RTTN: variants seen among roughly 807,000 people sequenced by gnomAD.
The protein encoded by RTTN is rotatin.
RTTN carries 182 observed loss-of-function variants against 269.2 expected under a neutral mutation model. The observed-to-expected ratio is 0.68, with a 90% CI of 0.60 to 0.76. The LOEUF is 0.76. Ranked by LOEUF, RTTN falls within the 30% of genes least tolerant of loss-of-function variation. The probability of loss-of-function intolerance (pLI) is 0.00; values close to 1 mark genes in which losing one functional copy is unlikely to be tolerated. For missense variants in RTTN, 2,545 were observed against 2,608.6 expected (o/e 0.98, Z 0.53); for synonymous variants, 1,006 against 963.5 (o/e 1.04, Z -0.82).
intron 21 of RTTN, among the ~76,000 whole-genome samples, chr18:70,136,500 A>G (rs1467852824): frequency 6.6e-6 from 1 of 152,010 alleles, no homozygotes; most frequent in Non-Finnish European, 1.5e-5. Context: ...TGCCTATCTT[A>G]TAATAAAAAA....
In RTTN at chr18:70,014,049, G is replaced by A. The variant is rs141142561; in HGVS notation, c.6421+3358C>T. 7.0e-3 allele frequency among the ~76,000 whole-genome samples: 1,058 copies of A among 152,056 alleles called. 9 individuals are homozygous for A. Among genetic ancestry groups the A allele is most frequent in the African/African-American group, 0.024 (994 of 41,464 alleles). On this transcript the variant is annotated intron_variant, in intron 46 of 48. Transcript: ENST00000640769. ...ACATGTATATTAAGTTTTCAATTTTGGCCACTGAAGTTCTAGATTACTGTT... is the reference window on the plus strand; with the variant it reads ...ACATGTATATTAAGTTTTCAATTTTAGCCACTGAAGTTCTAGATTACTGTT...
chr18:70,012,104 A>G (rs1289551890), intron 46 of RTTN, among the ~76,000 whole-genome samples: 9 of 114,528 alleles, frequency 7.9e-5, no homozygotes, highest in South Asian at 3.8e-4. Context: ...GCTCACTGGT[A>G]TTGGTTACAG....
chr18:70,197,112 T>C (rs963666281), intron 6 of RTTN, among the ~76,000 whole-genome samples: 4 of 152,212 alleles, frequency 2.6e-5, no homozygotes, highest in African/African-American at 9.6e-5. Flanking sequence ...ATTTCAGCCC[T>C]GGGAGTGTGG....
chr18:70,095,269 T>C (rs1363487926), intron 28 of RTTN, among the ~76,000 whole-genome samples: 2 of 152,216 alleles, frequency 1.3e-5, no homozygotes, highest in Non-Finnish European at 2.9e-5. Context: ...CCAGTCTGTG[T>C]CTTTTAATTG....
intron 25 of RTTN, 50 bp downstream of exon 25, chr18:70,127,452 T>C (rs1368366774): frequency 1.3e-6 from 2 of 1,593,942 alleles, no homozygotes; most frequent in African/African-American, 2.7e-5. Context: ...ATGAACACAA[T>C]ACAATGCAAT....
At chr18:70,095,823 G>A (rs1399813883) in intron 28 of RTTN, among the ~76,000 whole-genome samples, 1 of 152,084 alleles carries the variant, frequency 6.6e-6, no homozygotes, top group South Asian at 2.1e-4. Flanking sequence ...TGTATTTCCT[G>A]AATTGGAATG....
chr18:70,060,361 AT>A (rs1219700290), intron 35 of RTTN, among the ~76,000 whole-genome samples: 1 of 152,172 alleles, frequency 6.6e-6, no homozygotes, highest in Non-Finnish European at 1.5e-5. Flanking sequence ...CAAAAAGATG[AT>A]TTACAATCCT....
intron 45 of RTTN, among the ~76,000 whole-genome samples, chr18:70,018,652 C>T (rs762338328): frequency 6.6e-6 from 1 of 152,126 alleles, no homozygotes; most frequent in African/African-American, 2.4e-5. Context: ...ACATTACCCA[C>T]ACAATAAGTA....
At chr18:70,078,244 A>G (rs1158977136) in intron 32 of RTTN, among the ~76,000 whole-genome samples, 1 of 152,032 alleles carries the variant, frequency 6.6e-6, no homozygotes, top group Admixed American at 6.6e-5. Context: ...GCTAGAATAC[A>G]GTGAAGCAAA....
In RTTN at chr18:70,096,717, A is replaced by G. The variant is rs137990569; in HGVS notation, c.3904-3913T>C. ...CCAGATGCCAGCAGAGCTCTCCTATATGAGGTGTCTGTCAACCCCTGCTGG... is the reference window on the plus strand; with the variant it reads ...CCAGATGCCAGCAGAGCTCTCCTATGTGAGGTGTCTGTCAACCCCTGCTGG... On this transcript the variant is annotated intron_variant, in intron 28 of 48. Coordinates refer to ENST00000640769, the MANE Select transcript of RTTN (RefSeq NM_173630.4). Among the ~76,000 whole-genome samples the G allele has an allele frequency of 5.3e-3, 808 of 152,194 alleles. 16 individuals carry two copies. The East Asian group carries it at 0.069, about 13-fold the overall frequency.
intron 47 of RTTN, chr18:70,005,499 T>G (rs1251495928): frequency 2.4e-5 from 9 of 377,544 alleles, no homozygotes. Context: ...ATTCCCATTT[T>G]CTTTCTTCCC....
At chr18:70,065,346 A>G (rs1416709033) in intron 35 of RTTN, among the ~76,000 whole-genome samples, 1 of 151,854 alleles carries the variant, frequency 6.6e-6, no homozygotes, top group Non-Finnish European at 1.5e-5. Context: ...ACAAGGAGCA[A>G]AATTTATATA....
At chr18:70,004,790 G>C (rs140796789) in intron 48 of RTTN, among the ~76,000 whole-genome samples, 92 of 152,272 alleles carry the variant, frequency 6.0e-4, no homozygotes, top group Middle Eastern at 6.8e-3. Flanking sequence ...CTCTAGTATT[G>C]TGACCACATC....
intron 40 of RTTN, chr18:70,031,254 T>C (rs2057004205): frequency 5.9e-6 from 3 of 505,400 alleles, no homozygotes; most frequent in Non-Finnish European, 1.0e-5. Flanking sequence ...AGCAAGCTCA[T>C]ATACTTACTC....
Position 70,128,169 on chromosome 18 carries a change from ATATGATAGATT to A in RTTN, c.3143+178_3143+188del, listed in dbSNP as rs2059913135. 8 of 538,200 alleles carry A rather than the reference ATATGATAGATT, an allele frequency of 1.5e-5. No homozygotes were observed. In the Admixed American group the frequency reaches 2.6e-4, roughly 18 times the overall value. 33.3% of individuals were successfully genotyped at this position (538,200 alleles called of 1,614,324 possible). Reference sequence around the variant, plus strand: ...ATGCTTTTTCATTTAAAGTTTTCCCATATGATAGATTGTTAAAAGTAATAAACACATGTAAT... The same window carrying A: ...ATGCTTTTTCATTTAAAGTTTTCCCAGTTAAAAGTAATAAACACATGTAAT... On this transcript the variant is annotated intron_variant, in intron 24 of 48. Transcript: ENST00000640769.
chr18:70,084,230 TAA>T (rs5825989), intron 32 of RTTN, among the ~76,000 whole-genome samples: 65 of 149,842 alleles, frequency 4.3e-4, no homozygotes, highest in Non-Finnish European at 7.7e-4. Flanking sequence ...TTCTCTTTGT[TAA>T]AAAAAAAAAA....
rs74983640 is a variant in RTTN at position 70,140,479 on chromosome 18, T to C, written c.2582-291A>G. 7.2e-3 allele frequency among the ~76,000 whole-genome samples: 1,094 copies of C among 152,276 alleles called. 4 individuals are homozygous for C. The highest frequency in any genetic ancestry group is 0.014 in the East Asian group (74 of 5,192). ...TCTGAAAACTACGAGAATTTAAGTG[T>C]ACAAATGAATGCTTATATTTATACA... is the stretch of plus-strand genomic sequence containing the variant. On this transcript the variant is annotated intron_variant, in intron 19 of 48. Coordinates refer to ENST00000640769, the MANE Select transcript of RTTN (RefSeq NM_173630.4).
rs778061304 is a variant in RTTN, at chr18:70,020,785, G to A, written c.5983C>T (p.Gln1995Ter). The A allele has an allele frequency of 1.2e-6, 2 of 1,613,450 alleles. No homozygotes were observed. The highest frequency in any genetic ancestry group is 2.2e-5 in the South Asian group (2 of 91,022). Residue 1995 changes from glutamine to a stop codon, truncating the protein, a stop_gained, in exon 45 of 49, where the codon CAA (glutamine) becomes TAA (stop). Coordinates refer to ENST00000640769, the MANE Select transcript of RTTN (RefSeq NM_173630.4). LOFTEE classifies it high-confidence loss of function. ...CTATGTGTAGCTTGAACAGGGTGTT[G>A]TCCACAACTTGACCAACAAAGAGAA... ...CSSLCWSSCG[Q>*]HPVQATHRGA... is the part of the protein sequence containing the mutation.
intron 12 of RTTN, 25 bp downstream of exon 12, chr18:70,168,830 A>T (rs1412028634): frequency 6.6e-7 from 1 of 1,521,938 alleles, no homozygotes; most frequent in Non-Finnish European, 9.0e-7. Context: ...AGGGATTTAA[A>T]AGAGATATTA....
Sources: gnomAD v4.1 joint callset for allele counts (sites outside exome capture counted in the v4.1 genomes callset) on GRCh38, gnomAD v4.1.1 for gene constraint, MANE v1.5 for transcripts, NCBI Gene and HGNC (gene_info 2026-07-23, HGNC 2026-07-21) for gene names.